ADGRB3: variants seen among roughly 807,000 people sequenced by gnomAD.
ADGRB3 encodes brain-specific angiogenesis inhibitor 3.
Under a neutral mutation model 193.4 loss-of-function variants are expected in ADGRB3, and 37 were observed. The ratio of observed to expected loss-of-function variants is 0.19; its 90% CI spans 0.15 to 0.25. The LOEUF is 0.25. Among genes scored for constraint, ADGRB3 ranks in the 10% least tolerant of loss-of-function variants. The pLI, the probability that ADGRB3 is intolerant of heterozygous loss-of-function variation, is 1.00. For missense variants in ADGRB3, 1,637 were observed against 1,852.9 expected, an observed-to-expected ratio of 0.88 and a Z score of 2.14; for synonymous variants, 690 against 644.2, an observed-to-expected ratio of 1.07 and a Z score of -1.08.
rs1033173722 is a variant in ADGRB3 at position 68,635,904 on chromosome 6, T to G, written c.-284T>G. The G allele has an allele frequency of 3.9e-5, 6 of 152,546 alleles. No individual in the cohort carries two copies. The highest frequency in any genetic ancestry group is 1.5e-4 in the African/African-American group (6 of 41,322). The allele number at this position is 152,546 out of a possible 1,614,324, so 9.4% of individuals were successfully genotyped here. On this transcript the variant is annotated 5_prime_UTR_variant, in exon 1 of 32. Transcript: ENST00000370598. ...AGCCGGGGAAAATGGGCAACGGTGA[T>G]TGGGACCGAAGGGGAGTCTCTCCGT...
chr6:69,020,961 C>T (rs1770246158), intron 13 of ADGRB3, among the ~76,000 whole-genome samples: 1 of 151,856 alleles, frequency 6.6e-6, no homozygotes, highest in Non-Finnish European at 1.5e-5. Context: ...AATGTTTTGT[C>T]TGATATTTCC....
intron 3 of ADGRB3, among the ~76,000 whole-genome samples, chr6:68,846,780 T>C (rs929693114): frequency 1.9e-4 from 29 of 152,112 alleles, no homozygotes; most frequent in African/African-American, 7.0e-4. Context: ...TAGGACAATG[T>C]GGAAGGGAAA....
intron 3 of ADGRB3, among the ~76,000 whole-genome samples, chr6:68,758,004 A>G (rs1766328596): frequency 6.6e-6 from 1 of 152,028 alleles, no homozygotes; most frequent in Non-Finnish European, 1.5e-5. Context: ...CCTGTCGCTA[A>G]TGGGAAGCAC....
chr6:69,299,155 C>G (rs533459115), intron 20 of ADGRB3, among the ~76,000 whole-genome samples: 2 of 151,826 alleles, frequency 1.3e-5, no homozygotes, highest in African/African-American at 2.4e-5. Flanking sequence ...GATTTTCATA[C>G]GCCTGTTGGC....
At chr6:69,208,173 CAG>C (rs1244839603) in intron 17 of ADGRB3, among the ~76,000 whole-genome samples, 3 of 152,180 alleles carry the variant, frequency 2.0e-5, no homozygotes, top group Admixed American at 6.5e-5. Flanking sequence ...TGGGCAATAA[CAG>C]GGGTGGCTGG....
chr6:69,098,472 G>A (rs1241390677), intron 17 of ADGRB3, among the ~76,000 whole-genome samples: 1 of 152,178 alleles, frequency 6.6e-6, no homozygotes, highest in Non-Finnish European at 1.5e-5. Flanking sequence ...ATGAGGAAAA[G>A]AGGTTTAATT....
intron 31 of ADGRB3, 110 bp downstream of exon 31, chr6:69,383,045 A>G (rs1012741267): frequency 5.0e-6 from 3 of 598,502 alleles, no homozygotes; most frequent in Non-Finnish European, 7.9e-6. Context: ...CTACATAGAA[A>G]AAAAAAGTAT....
At chr6:68,777,687 A>C (rs1241319805) in intron 3 of ADGRB3, among the ~76,000 whole-genome samples, 2 of 148,646 alleles carry the variant, frequency 1.3e-5, no homozygotes, top group Non-Finnish European at 3.0e-5. Context: ...AAAAAAAAAA[A>C]ACGACTACTA....
At chr6:69,251,788 ACTTCAG>A in intron 20 of ADGRB3, among the ~76,000 whole-genome samples, 1 of 152,264 alleles carries the variant, frequency 6.6e-6, no homozygotes, top group Middle Eastern at 3.4e-3. Context: ...TTTTCAGGAT[ACTTCAG>A]ATTTACTCCT....
At chr6:69,273,555 G>A (rs1767227167) in intron 20 of ADGRB3, among the ~76,000 whole-genome samples, 1 of 152,188 alleles carries the variant, frequency 6.6e-6, no homozygotes, top group Admixed American at 6.5e-5. Flanking sequence ...GTCTGGAATT[G>A]AGATTAGGAA....
At chr6:68,756,738 A>T (rs773609195) in intron 3 of ADGRB3, among the ~76,000 whole-genome samples, 4 of 152,152 alleles carry the variant, frequency 2.6e-5, no homozygotes, top group African/African-American at 9.7e-5. Flanking sequence ...TTTAATTCCA[A>T]AACTCTTGGT....
At chr6:68,852,218 C>T (rs1426015171) in intron 3 of ADGRB3, among the ~76,000 whole-genome samples, 1 of 151,788 alleles carries the variant, frequency 6.6e-6, no homozygotes, top group African/African-American at 2.4e-5. Flanking sequence ...CAGATTTATC[C>T]ATTTATCTTA....
At chr6:68,744,890 A>T (rs1232681159) in intron 3 of ADGRB3, among the ~76,000 whole-genome samples, 1 of 152,204 alleles carries the variant, frequency 6.6e-6, no homozygotes, top group Non-Finnish European at 1.5e-5. Context: ...GTATAATTTT[A>T]AAAAATAGGA....
intron 8 of ADGRB3, 75 bp from the exon 9 acceptor site, chr6:68,974,688 T>G: frequency 9.1e-7 from 1 of 1,099,534 alleles, no homozygotes. Context: ...GTTAGAGAGG[T>G]GCCTTTGACA....
chr6:69,178,117 T>A (rs1448439451), intron 17 of ADGRB3, among the ~76,000 whole-genome samples: 1 of 152,204 alleles, frequency 6.6e-6, no homozygotes, highest in Non-Finnish European at 1.5e-5. Flanking sequence ...GGTGCTCCAA[T>A]GTGGTATGCA....
chr6:68,729,788 C>T (rs1765737342), intron 3 of ADGRB3, among the ~76,000 whole-genome samples: 1 of 151,448 alleles, frequency 6.6e-6, no homozygotes, highest in African/African-American at 2.4e-5. Context: ...TTTCTCTATG[C>T]TTTATTGATT....
intron 3 of ADGRB3, among the ~76,000 whole-genome samples, chr6:68,727,464 G>A (rs779476868): frequency 6.6e-6 from 1 of 151,538 alleles, no homozygotes; most frequent in Non-Finnish European, 1.5e-5. Context: ...GCTTTTTCTT[G>A]GTTGATTGTT....
chr6:68,793,821 G>A (rs918207720), intron 3 of ADGRB3, among the ~76,000 whole-genome samples: 6 of 152,014 alleles, frequency 3.9e-5, no homozygotes, highest in South Asian at 2.1e-4. Flanking sequence ...AAGCCACCAC[G>A]CCCAGCGTAT....
chr6:69,081,958 T>C (rs898806868), intron 17 of ADGRB3, among the ~76,000 whole-genome samples: 7 of 152,122 alleles, frequency 4.6e-5, no homozygotes, highest in South Asian at 4.1e-4. Context: ...TTTTTCATTG[T>C]AATTCTCACC....
Sources: allele counts gnomAD v4.1 joint callset (sites outside exome capture counted in the v4.1 genomes callset), GRCh38; gene constraint gnomAD v4.1.1; transcripts MANE v1.5; gene names NCBI Gene and HGNC (gene_info 2026-07-23, HGNC 2026-07-21).